ZNF407: variants seen among roughly 807,000 people sequenced by gnomAD.
The protein encoded by ZNF407 is zinc finger protein 407.
A neutral mutation model predicts 131.2 loss-of-function variants in ZNF407; 17 were observed. That is an observed-to-expected ratio of 0.13 (90% confidence interval 0.09 to 0.19). The LOEUF (loss-of-function observed/expected upper bound fraction) is 0.19, where lower values mean the gene tolerates loss of function less well. Ranked by LOEUF, ZNF407 falls within the 10% of genes least tolerant of loss-of-function variation. The pLI, the probability that ZNF407 is intolerant of heterozygous loss-of-function variation, is 1.00. For synonymous variants in ZNF407, 1,156 were observed against 1,062.0 expected (o/e 1.09, Z -1.72); for missense variants, 2,681 against 2,830.6 (o/e 0.95, Z 1.20).
At chr18:74,827,984 C>T (rs962988579) in intron 4 of ZNF407, among the ~76,000 whole-genome samples, 1 of 152,152 alleles carries the variant, frequency 6.6e-6, no homozygotes, top group African/African-American at 2.4e-5. Context: ...TGTTTTTTAA[C>T]CCTATACATA....
chr18:74,920,213 C>T (rs1971828386), intron 7 of ZNF407, among the ~76,000 whole-genome samples: 1 of 152,186 alleles, frequency 6.6e-6, no homozygotes, highest in African/African-American at 2.4e-5. Flanking sequence ...GATCAGCTAA[C>T]ACCTTCACTG....
intron 8 of ZNF407, 105 bp downstream of exon 8, chr18:74,920,797 A>G (rs1400434304): frequency 2.9e-6 from 4 of 1,377,438 alleles, no homozygotes; most frequent in Non-Finnish European, 2.8e-6. Flanking sequence ...AATGGAGTAG[A>G]GTATGTGATA....
At chr18:74,629,068 T>C (rs1305928052) in intron 1 of ZNF407, among the ~76,000 whole-genome samples, 15 of 152,248 alleles carry the variant, frequency 9.9e-5, no homozygotes. Flanking sequence ...TGGTTGTGTA[T>C]ACCTCCAAGT....
chr18:75,010,280 A>G (rs1460127447), intron 8 of ZNF407, among the ~76,000 whole-genome samples: 2 of 152,142 alleles, frequency 1.3e-5, no homozygotes, highest in Non-Finnish European at 2.9e-5. Context: ...TATATTTCCA[A>G]AGAGCTCTCT....
intron 8 of ZNF407, among the ~76,000 whole-genome samples, chr18:74,946,215 C>T (rs1972152309): frequency 6.6e-6 from 1 of 152,182 alleles, no homozygotes; most frequent in Admixed American, 6.5e-5. Context: ...AAACCATTTA[C>T]TCCAATTTAG....
intron 8 of ZNF407, among the ~76,000 whole-genome samples, chr18:74,941,284 G>A (rs1972096221): frequency 6.6e-6 from 1 of 152,220 alleles, no homozygotes; most frequent in Non-Finnish European, 1.5e-5. Context: ...ATTTGAGGGT[G>A]TCTGAAGTCG....
intron 8 of ZNF407, among the ~76,000 whole-genome samples, chr18:74,951,814 G>A (rs547691687): frequency 1.3e-5 from 2 of 151,632 alleles, no homozygotes; most frequent in East Asian, 3.9e-4. Context: ...TAATTTCTAA[G>A]ATTATGATTT....
intron 4 of ZNF407, among the ~76,000 whole-genome samples, chr18:74,818,244 G>A (rs574644457): frequency 3.9e-5 from 6 of 152,188 alleles, no homozygotes; most frequent in Non-Finnish European, 8.8e-5. Flanking sequence ...GCAAACGCAG[G>A]CATTCTCTCT....
chr18:74,895,174 T>G (rs948553062), intron 7 of ZNF407, among the ~76,000 whole-genome samples: 5 of 152,110 alleles, frequency 3.3e-5, no homozygotes, highest in Admixed American at 6.6e-5. Context: ...TTAACCAGTG[T>G]TAATGACTTC....
chr18:75,036,168 C>T (rs1374509814), intron 8 of ZNF407, among the ~76,000 whole-genome samples: 1 of 152,220 alleles, frequency 6.6e-6, no homozygotes, highest in African/African-American at 2.4e-5. Context: ...AAAAGTGATA[C>T]TGAGAGTTCT....
intron 3 of ZNF407, among the ~76,000 whole-genome samples, chr18:74,752,268 A>G (rs891031336): frequency 6.6e-6 from 1 of 152,008 alleles, no homozygotes; most frequent in African/African-American, 2.4e-5. Flanking sequence ...TAGATCCTGG[A>G]TATTAGCCCT....
chr18:74,813,138 G>A (rs373502509), intron 4 of ZNF407, among the ~76,000 whole-genome samples: 1 of 152,202 alleles, frequency 6.6e-6, no homozygotes, highest in Non-Finnish European at 1.5e-5. Context: ...GGCAGAAAAG[G>A]GAGGAGTGGT....
At chr18:75,039,228 ACTT>A (rs756900522) in intron 8 of ZNF407, among the ~76,000 whole-genome samples, 1 of 152,302 alleles carries the variant, frequency 6.6e-6, no homozygotes, top group South Asian at 2.1e-4. Context: ...TACCGCTTCC[ACTT>A]CTTCTAAACC....
At chr18:74,783,516 T>C (rs1332288381) in intron 4 of ZNF407, among the ~76,000 whole-genome samples, 1 of 152,134 alleles carries the variant, frequency 6.6e-6, no homozygotes, top group East Asian at 1.9e-4. Flanking sequence ...CTAGAAATCC[T>C]CTATATATTA....
chr18:75,063,553 G>A lies in ZNF407; in HGVS notation c.5832G>A (p.Val1944=), dbSNP rs1339852631. The stretch of plus-strand genomic sequence containing the variant: ...ATGGAGCCACCCAGGTGGTCGTCGT[G>A]GGGGGCTCCATGGAAGGCCACGGCA... ...LADGATQVVV[V]GGSMEGHGMD... Residue 1944 remains valine, a synonymous_variant, in exon 9 of 9, where the codon GTG becomes GTA. Transcript: ENST00000299687. The surrounding 1 kb of genome is among the most constrained non-coding windows in gnomAD (Gnocchi z 6.6). 14 of 1,567,448 alleles carry A rather than the reference G, an allele frequency of 8.9e-6. No homozygotes were observed. The South Asian group carries it at 1.1e-4, about 12-fold the overall frequency.
At chr18:74,649,860 G>A (rs9960430) in intron 3 of ZNF407, among the ~76,000 whole-genome samples, 73,332 of 152,012 alleles carry the variant, frequency 0.48, 19,192 homozygotes, top group African/African-American at 0.69. Context: ...ATCAACATTC[G>A]TCCATTCATT....
intron 3 of ZNF407, among the ~76,000 whole-genome samples, chr18:74,720,977 G>A (rs1182812986): frequency 6.6e-6 from 1 of 150,738 alleles, no homozygotes; most frequent in Non-Finnish European, 1.5e-5. Context: ...ACTATTCAGG[G>A]TCTTTTGTGG....
chr18:75,054,143 T>C (rs186464353), intron 8 of ZNF407, among the ~76,000 whole-genome samples: 4 of 152,360 alleles, frequency 2.6e-5, no homozygotes, highest in African/African-American at 9.6e-5. Context: ...TTTTAAGGCA[T>C]AGAGAAGAAA....
At chr18:74,769,054 A>C (rs8089068) in intron 3 of ZNF407, among the ~76,000 whole-genome samples, 143,978 of 152,024 alleles carry the variant, frequency 0.95, 68,644 homozygotes, top group East Asian at 1. Flanking sequence ...TTCCAGAGGA[A>C]TTACTGTGCT....
Sources: allele counts gnomAD v4.1 joint callset (sites outside exome capture counted in the v4.1 genomes callset), GRCh38; gene constraint gnomAD v4.1.1; non-coding constraint Gnocchi (gnomAD v3.1); transcripts MANE v1.5; gene names NCBI Gene and HGNC (gene_info 2026-07-23, HGNC 2026-07-21).